Variants in DLG2 observed in about 807,000 individuals in gnomAD.
The protein encoded by DLG2 is discs large MAGUK scaffold protein 2, also known as disks large homolog 2.
In DLG2, 45 loss-of-function variants were observed where a neutral mutation model predicts 132.5. The ratio of observed to expected loss-of-function variants is 0.34; its 90% CI spans 0.27 to 0.44. DLG2 has a LOEUF of 0.44. DLG2 is among the 20% of genes least tolerant of loss of function. DLG2 has a pLI of 1.00. For synonymous variants in DLG2, 424 were observed against 419.6 expected (o/e 1.01, Z -0.13); for missense variants, 1,045 against 1,196.9 (o/e 0.87, Z 1.87).
At chr11:83,597,232 A>C (rs2057742921) in intron 19 of DLG2, among the ~76,000 whole-genome samples, 1 of 152,206 alleles carries the variant, frequency 6.6e-6, no homozygotes, top group African/African-American at 2.4e-5. Context: ...AAGAGACATC[A>C]AAATTAAGTA....
intron 6 of DLG2, among the ~76,000 whole-genome samples, chr11:84,962,820 C>A (rs1400184378): frequency 1.3e-5 from 2 of 152,176 alleles, no homozygotes; most frequent in African/African-American, 4.8e-5. Flanking sequence ...CTATTTCTTT[C>A]TTTAATGCTG....
At chr11:84,850,436 AGC>A (rs2082039870) in intron 6 of DLG2, among the ~76,000 whole-genome samples, 1 of 152,184 alleles carries the variant, frequency 6.6e-6, no homozygotes, top group Non-Finnish European at 1.5e-5. Context: ...GGATACTCAC[AGC>A]TAACATCACA....
intron 3 of DLG2, among the ~76,000 whole-genome samples, chr11:85,479,575 T>A (rs1330475507): frequency 1.3e-5 from 2 of 152,228 alleles, no homozygotes; most frequent in African/African-American, 2.4e-5. Flanking sequence ...AACGGATTCA[T>A]TATGAACTTT....
chr11:85,170,745 G>A (rs2152492656), intron 4 of DLG2, among the ~76,000 whole-genome samples: 1 of 152,258 alleles, frequency 6.6e-6, no homozygotes, highest in East Asian at 1.9e-4. Flanking sequence ...GTAGGAAAAT[G>A]CATTGCAAGA....
chr11:83,554,029 G>A (rs2096460787), intron 19 of DLG2, among the ~76,000 whole-genome samples: 1 of 151,746 alleles, frequency 6.6e-6, no homozygotes, highest in Non-Finnish European at 1.5e-5. Context: ...GAGTAGCTGA[G>A]TAGTAACCAT....
intron 6 of DLG2, among the ~76,000 whole-genome samples, chr11:84,943,175 T>C (rs1349116722): frequency 2.7e-5 from 4 of 150,512 alleles, no homozygotes; most frequent in East Asian, 3.9e-4. Context: ...TGCGTGTGTG[T>C]GTGTGTGTGT....
At chr11:84,021,094 A>G (rs2095376631) in intron 11 of DLG2, among the ~76,000 whole-genome samples, 1 of 152,200 alleles carries the variant, frequency 6.6e-6, no homozygotes, top group Non-Finnish European at 1.5e-5. Flanking sequence ...TAGAACACAT[A>G]TAATAAGAAC....
intron 6 of DLG2, among the ~76,000 whole-genome samples, chr11:84,647,452 C>T (rs980733365): frequency 1.3e-5 from 2 of 152,132 alleles, no homozygotes; most frequent in Non-Finnish European, 2.9e-5. Context: ...CATCAGACTA[C>T]GATTATCTAG....
At chr11:85,121,951 T>TTG (rs950292563) in intron 5 of DLG2, among the ~76,000 whole-genome samples, 33 of 152,044 alleles carry the variant, frequency 2.2e-4, no homozygotes, top group African/African-American at 6.3e-4. Flanking sequence ...CATAAGAGTG[T>TTG]TGTGTGTGTG....
intron 6 of DLG2, among the ~76,000 whole-genome samples, chr11:84,664,093 G>A (rs1329635663): frequency 2.0e-5 from 3 of 152,150 alleles, no homozygotes; most frequent in Non-Finnish European, 4.4e-5. Flanking sequence ...TCTGAATGAA[G>A]CAAAGTGGCA....
chr11:84,644,100 C>T (rs1208351722), intron 6 of DLG2, among the ~76,000 whole-genome samples: 2 of 152,242 alleles, frequency 1.3e-5, no homozygotes, highest in South Asian at 2.1e-4. Flanking sequence ...CAATACGTGG[C>T]CGTCTATACA....
At chr11:84,683,658 T>G (rs2099735491) in intron 6 of DLG2, among the ~76,000 whole-genome samples, 1 of 152,122 alleles carries the variant, frequency 6.6e-6, no homozygotes, top group Non-Finnish European at 1.5e-5. Flanking sequence ...ATGCAGCTGG[T>G]AGGAAATGGG....
chr11:84,172,496 G>C (rs2095847158), intron 8 of DLG2, among the ~76,000 whole-genome samples: 1 of 151,258 alleles, frequency 6.6e-6, no homozygotes, highest in African/African-American at 2.4e-5. Context: ...GAAAAAATCA[G>C]TATACTATAA....
At chr11:85,199,335 C>A (rs1033130228) in intron 4 of DLG2, among the ~76,000 whole-genome samples, 3 of 152,098 alleles carry the variant, frequency 2.0e-5, no homozygotes, top group African/African-American at 7.2e-5. Context: ...ACAAGAAGTT[C>A]TAGAAGAGAC....
At chr11:84,308,678 GC>G (rs2098255158) in intron 7 of DLG2, among the ~76,000 whole-genome samples, 1 of 152,114 alleles carries the variant, frequency 6.6e-6, no homozygotes, top group African/African-American at 2.4e-5. Flanking sequence ...CCCGAGCCCT[GC>G]CCCGCGGGGA....
At chr11:84,012,318 C>G (rs2094931894) in intron 11 of DLG2, among the ~76,000 whole-genome samples, 1 of 152,068 alleles carries the variant, frequency 6.6e-6, no homozygotes. Flanking sequence ...AAATACAGAT[C>G]CTGATTTTTG....
chr11:85,314,438 T>C (rs1259104408), intron 3 of DLG2, among the ~76,000 whole-genome samples: 1 of 151,864 alleles, frequency 6.6e-6, no homozygotes, highest in Non-Finnish European at 1.5e-5. Context: ...TGTATATATA[T>C]TGACATATAT....
intron 3 of DLG2, among the ~76,000 whole-genome samples, chr11:85,579,135 A>C (rs939956923): frequency 6.6e-6 from 1 of 152,214 alleles, no homozygotes; most frequent in Non-Finnish European, 1.5e-5. Flanking sequence ...ATGCAGGAAC[A>C]GAAAACCAAA....
intron 10 of DLG2, among the ~76,000 whole-genome samples, chr11:84,065,826 C>T (rs1228663310): frequency 6.6e-6 from 1 of 152,170 alleles, no homozygotes; most frequent in Non-Finnish European, 1.5e-5. Flanking sequence ...AAATGCCCAT[C>T]AACAGCAGAC....
Sources: allele counts gnomAD v4.1 joint callset (sites outside exome capture counted in the v4.1 genomes callset), GRCh38; gene constraint gnomAD v4.1.1; transcripts MANE v1.5; gene names NCBI Gene and HGNC (gene_info 2026-07-23, HGNC 2026-07-21).